The following KLB variants were observed in gnomAD, a reference collection of about 807,000 sequenced individuals.
KLB encodes klotho beta.
KLB carries 44 observed loss-of-function variants against 88.4 expected under a neutral mutation model. That is an observed-to-expected ratio of 0.50 (90% CI 0.39 to 0.64). KLB has a LOEUF of 0.64. Ranked by LOEUF, KLB falls within the 30% of genes least tolerant of loss-of-function variation. The pLI, the probability that KLB is intolerant of heterozygous loss-of-function variation, is 0.00. For synonymous variants in KLB, 548 were observed against 513.4 expected (o/e 1.07, Z -0.91); for missense variants, 1,137 against 1,304.8 (o/e 0.87, Z 1.98).
intron 1 of KLB, among the ~76,000 whole-genome samples, chr4:39,408,416 T>A (rs190728489): frequency 2.1e-4 from 32 of 152,272 alleles, no homozygotes; most frequent in Non-Finnish European, 4.1e-4. Flanking sequence ...AAGCTAGAGA[T>A]AATGTTGAGA....
chr4:39,424,802 T>C (rs547176211), intron 1 of KLB, among the ~76,000 whole-genome samples: 1 of 152,158 alleles, frequency 6.6e-6, no homozygotes, highest in South Asian at 2.1e-4. Context: ...CTAATTTTTG[T>C]ATTTTTAATA....
At position 39,424,110 on chromosome 4, in the gene KLB, C is replaced by T. The variant is rs181575169; in HGVS notation, c.826-10100C>T. On this transcript the variant is annotated intron_variant, in intron 1 of 4. Coordinates refer to ENST00000257408, the MANE Select transcript of KLB (RefSeq NM_175737.4). Reference sequence around the variant, plus strand: ...TTTTGAGACAGGTCTCATTCTGTCACCCAAGCTGGAGTGCAGTGGCACAAT... The same window carrying T: ...TTTTGAGACAGGTCTCATTCTGTCATCCAAGCTGGAGTGCAGTGGCACAAT... Among the ~76,000 whole-genome samples, 89 of 151,928 alleles carry T rather than the reference C, an allele frequency of 5.9e-4. 5 individuals carry two copies. The highest frequency in any genetic ancestry group is 2.0e-3 in the African/African-American group (82 of 41,204).
intron 1 of KLB, among the ~76,000 whole-genome samples, chr4:39,414,948 G>A (rs1452163781): frequency 6.6e-6 from 1 of 151,274 alleles, no homozygotes; most frequent in Non-Finnish European, 1.5e-5. Flanking sequence ...CATTTTTGAT[G>A]CTATAACATT....
chr4:39,418,268 C>G (rs1251392539), intron 1 of KLB, among the ~76,000 whole-genome samples: 1 of 152,024 alleles, frequency 6.6e-6, no homozygotes, highest in South Asian at 2.1e-4. Context: ...TGAAGAGTCT[C>G]GCTCTGTCAC....
intron 1 of KLB, among the ~76,000 whole-genome samples, chr4:39,422,460 CCT>C (rs1483662434): frequency 6.6e-6 from 1 of 152,152 alleles, no homozygotes; most frequent in East Asian, 1.9e-4. Context: ...CTCTCCACCC[CCT>C]GGTTTCCTCT....
intron 3 of KLB, among the ~76,000 whole-genome samples, chr4:39,444,263 C>T (rs1174653952): frequency 6.6e-6 from 1 of 152,194 alleles, no homozygotes; most frequent in Non-Finnish European, 1.5e-5. Context: ...TTATTCCCTC[C>T]ACATTTATTA....
chr4:39,438,036 C>T (rs1469306276), intron 3 of KLB, 41 bp downstream of exon 3: 33 of 1,568,742 alleles, frequency 2.1e-5, no homozygotes, highest in Non-Finnish European at 2.9e-5. Flanking sequence ...CTGGGAAAAA[C>T]AGTACACACT....
In KLB at chr4:39,442,551, A is replaced by G. The variant is rs1743634061; in HGVS notation, c.1606-3781A>G. On this transcript the variant is annotated intron_variant, in intron 3 of 4. Transcript: ENST00000257408. ...CGGGTTCAAGAGATTCCCCTGCCTC[A>G]GCCTTCCAAGTAGCTGGGATTACAG... 2.7e-5 allele frequency among the ~76,000 whole-genome samples: 4 copies of G among 150,744 alleles called. No individual in the cohort carries two copies. In the Admixed American group the frequency reaches 2.7e-4, roughly 10 times the overall value.
At chr4:39,433,979 G>A (rs1347101895) in intron 1 of KLB, among the ~76,000 whole-genome samples, 1 of 152,214 alleles carries the variant, frequency 6.6e-6, no homozygotes, top group Non-Finnish European at 1.5e-5. Flanking sequence ...GGGGAAATAA[G>A]AGCCTAGACT....
rs1742754182 is a variant in KLB, at chr4:39,407,410, C to T, written c.461C>T (p.Ser154Phe). 6.2e-7 allele frequency: 1 copy of T among 1,613,622 alleles called. No individual in the cohort carries two copies. Among genetic ancestry groups the T allele is most frequent in the African/African-American group, 1.3e-5 (1 of 74,820 alleles). ...GTTTCTTTTTATCAATTTTCAATTT[C>T]CTGGCCAAGGCTTTTCCCCGATGGA... Reference protein sequence around the residue: ...IGVSFYQFSISWPRLFPDGIV... With the variant: ...IGVSFYQFSIFWPRLFPDGIV... The change falls in exon 1 of 5, where the codon TCC (serine) becomes TTC (phenylalanine). Residue 154 changes from serine to phenylalanine, a missense_variant. Around this residue, in one of 4 missense-constraint regions of KLB, gnomAD observed 597 missense variants for 765.2 expected, o/e 0.78. Coordinates refer to ENST00000257408, the MANE Select transcript of KLB (RefSeq NM_175737.4).
chr4:39,419,496 G>C (rs1219042771), intron 1 of KLB, among the ~76,000 whole-genome samples: 1 of 152,086 alleles, frequency 6.6e-6, no homozygotes, highest in Non-Finnish European at 1.5e-5. Context: ...ATTTTTGGCC[G>C]AGCACGGTGG....
chr4:39,448,204 G>T, intron 4 of KLB, 97 bp from the exon 5 acceptor site: 1 of 842,894 alleles, frequency 1.2e-6, no homozygotes, highest in East Asian at 2.6e-5. Context: ...CCTTTATTAT[G>T]GGCATAATTT....
chr4:39,436,722 T>A (rs987960401), intron 2 of KLB, among the ~76,000 whole-genome samples: 2 of 151,924 alleles, frequency 1.3e-5, no homozygotes, highest in Admixed American at 1.3e-4. Context: ...TGTTTTTTTT[T>A]CCCTGAGATG....
At chr4:39,439,003 CTT>C (rs1343702750) in intron 3 of KLB, among the ~76,000 whole-genome samples, 44 of 139,844 alleles carry the variant, frequency 3.1e-4, no homozygotes, top group Admixed American at 4.3e-4. Context: ...TCTACTTCAT[CTT>C]TTTTTTTTTT....
rs947437950 is a variant in KLB, at chr4:39,449,390, C to T, written c.*704C>T. On this transcript the variant is annotated 3_prime_UTR_variant, in exon 5 of 5. Coordinates refer to ENST00000257408, the MANE Select transcript of KLB (RefSeq NM_175737.4). ...TCTACAGCAGAGATTTAACACCCTT[C>T]TTTAAACTGGGTAGTCAGTGATAGA... is the stretch of plus-strand genomic sequence containing the variant. 1.3e-5 allele frequency: 2 copies of T among 151,292 alleles called. No homozygotes were observed. Among genetic ancestry groups the T allele is most frequent in the African/African-American group, 4.9e-5 (2 of 41,194 alleles). The allele number at this position is 151,292 out of a possible 1,614,324, so 9.4% of individuals were successfully genotyped here. A position where few individuals can be genotyped will look rare whatever the true frequency, so the allele number is the denominator to read the frequency against.
At chr4:39,426,251 C>CA (rs36101900) in intron 1 of KLB, among the ~76,000 whole-genome samples, 42,674 of 129,506 alleles carry the variant, frequency 0.33, 8,367 homozygotes, top group African/African-American at 0.47. Flanking sequence ...GACTCCATCT[C>CA]AAAAAAAAAA....
At chr4:39,435,364 C>A (rs748525645) in intron 2 of KLB, among the ~76,000 whole-genome samples, 12 of 151,346 alleles carry the variant, frequency 7.9e-5, no homozygotes, top group African/African-American at 2.9e-4. Flanking sequence ...GTGATCCACT[C>A]GCCTCGGCCT....
At chr4:39,440,935 G>A (rs1009229741) in intron 3 of KLB, among the ~76,000 whole-genome samples, 2 of 151,936 alleles carry the variant, frequency 1.3e-5, no homozygotes, top group African/African-American at 4.8e-5. Flanking sequence ...TCAGCTCACT[G>A]CAGTCTGCCT....
intron 1 of KLB, among the ~76,000 whole-genome samples, chr4:39,426,122 G>A (rs968205931): frequency 1.2e-4 from 19 of 152,028 alleles, no homozygotes; most frequent in African/African-American, 4.3e-4. Flanking sequence ...CGTGGTGTCG[G>A]GCACCTGTAG....
Sources: allele counts gnomAD v4.1 joint callset (sites outside exome capture counted in the v4.1 genomes callset), GRCh38; gene constraint gnomAD v4.1.1; regional missense constraint gnomAD v4.1.1; transcripts MANE v1.5; gene names NCBI Gene and HGNC (gene_info 2026-07-23, HGNC 2026-07-21).